Variants in COL5A2 observed in about 807,000 individuals in gnomAD.
COL5A2 encodes the protein collagen type V alpha 2 chain, also known as collagen alpha-2(V) chain.
A neutral mutation model predicts 208.2 loss-of-function variants in COL5A2; 23 were observed. The observed-to-expected ratio is 0.11, with a 90% CI of 0.08 to 0.16. The LOEUF (loss-of-function observed/expected upper bound fraction) is 0.16, where lower values mean the gene tolerates loss of function less well. Among genes scored for constraint, COL5A2 ranks in the 10% least tolerant of loss-of-function variants. The pLI is 1.00. For synonymous variants in COL5A2, 625 were observed against 628.5 expected, an observed-to-expected ratio of 0.99 and a Z score of 0.08; for missense variants, 1,590 against 1,956.4, an observed-to-expected ratio of 0.81 and a Z score of 3.53.
the COL5A2 span, among the ~76,000 whole-genome samples, chr2:189,299,685 T>G: frequency 3.9e-5 from 6 of 152,300 alleles, no homozygotes; most frequent in East Asian, 1.2e-3. Context: ...TGATGTTTAA[T>G]GAAGTTCACA....
At chr2:189,361,876 G>A in the COL5A2 span, among the ~76,000 whole-genome samples, 1 of 151,372 alleles carries the variant, frequency 6.6e-6, no homozygotes, top group Admixed American at 6.6e-5. Flanking sequence ...ACAAAGAAAA[G>A]TAACCAAAAA....
Position 189,098,712 on chromosome 2 carries a change from G to A in COL5A2, c.402+15C>T, listed in dbSNP as rs544912500. 4.4e-6 allele frequency: 7 copies of A among 1,602,856 alleles called. No homozygotes were observed. The highest frequency in any genetic ancestry group is 6.0e-6 in the Non-Finnish European group (7 of 1,170,036). ...GAATACAAGAGTACCAAGAATATTG[G>A]GAGAAACTACTTACTGCCGGTCCTG... On this transcript the variant is annotated intron_variant, in intron 5 of 53. Coordinates refer to ENST00000374866, the MANE Select transcript of COL5A2 (RefSeq NM_000393.5).
chr2:189,112,436 A>T (rs1687303057), intron 1 of COL5A2, among the ~76,000 whole-genome samples: 1 of 152,216 alleles, frequency 6.6e-6, no homozygotes, highest in Admixed American at 6.5e-5. Flanking sequence ...AATCTGCTTT[A>T]TATAATTATT....
intron 1 of COL5A2, among the ~76,000 whole-genome samples, chr2:189,217,047 G>T (rs1253886174): frequency 6.6e-6 from 1 of 151,996 alleles, no homozygotes; most frequent in Non-Finnish European, 1.5e-5. Flanking sequence ...CATTCTGTCT[G>T]CCTGATTTGA....
At chr2:189,428,818 A>G in the COL5A2 span, among the ~76,000 whole-genome samples, 2 of 152,216 alleles carry the variant, frequency 1.3e-5, no homozygotes, top group African/African-American at 4.8e-5. Context: ...TTTATAAATT[A>G]TCCAGTACCA....
chr2:189,152,444 A>T (rs1688163317), intron 1 of COL5A2, among the ~76,000 whole-genome samples: 1 of 152,220 alleles, frequency 6.6e-6, no homozygotes, highest in African/African-American at 2.4e-5. Context: ...GGCCATACAC[A>T]CAATGTATGT....
chr2:189,339,350 C>CA, the COL5A2 span, among the ~76,000 whole-genome samples: 1,204 of 114,242 alleles, frequency 0.011, 7 homozygotes, highest in African/African-American at 0.012. Flanking sequence ...GACTCTGTCT[C>CA]AAAAAAAAAA....
chr2:189,312,460 G>A, the COL5A2 span, among the ~76,000 whole-genome samples: 104 of 152,238 alleles, frequency 6.8e-4, no homozygotes, highest in African/African-American at 2.3e-3. Flanking sequence ...CTGACCGGCC[G>A]GGCGCCGTAG....
chr2:189,308,257 T>C, the COL5A2 span, among the ~76,000 whole-genome samples: 2 of 133,030 alleles, frequency 1.5e-5, no homozygotes, highest in Admixed American at 1.7e-4. Context: ...CAGGCCATGA[T>C]GGGAAGGAGG....
intron 1 of COL5A2, among the ~76,000 whole-genome samples, chr2:189,147,269 G>C (rs1286381234): frequency 6.6e-6 from 1 of 151,978 alleles, no homozygotes; most frequent in African/African-American, 2.4e-5. Context: ...CGAAAATTAT[G>C]AAAAAACGTA....
intron 1 of COL5A2, among the ~76,000 whole-genome samples, chr2:189,175,940 A>C (rs1286975013): frequency 6.6e-6 from 1 of 152,206 alleles, no homozygotes; most frequent in Non-Finnish European, 1.5e-5. Flanking sequence ...GTTTCATAGC[A>C]TGTATTTCAA....
At chr2:189,323,822 T>G in the COL5A2 span, among the ~76,000 whole-genome samples, 2 of 152,294 alleles carry the variant, frequency 1.3e-5, no homozygotes, top group African/African-American at 4.8e-5. Context: ...AAAAAACTAC[T>G]TTAAAGTTCA....
chr2:189,095,708 G>A (rs1686895575), intron 6 of COL5A2: 2 of 152,040 alleles, frequency 1.3e-5, no homozygotes, highest in African/African-American at 4.8e-5. Context: ...CCTAGACTTA[G>A]GACCCAATGT....
intron 49 of COL5A2, among the ~76,000 whole-genome samples, chr2:189,042,190 A>G (rs1685575284): frequency 6.6e-6 from 1 of 152,190 alleles, no homozygotes. Flanking sequence ...TTTCCTAAAT[A>G]ATTATGTCCA....
intron 47 of COL5A2, 74 bp downstream of exon 47, chr2:189,045,105 C>A: frequency 9.9e-7 from 1 of 1,009,218 alleles, no homozygotes. Context: ...AGTTATGAAT[C>A]TTAAATTATA....
intron 1 of COL5A2, among the ~76,000 whole-genome samples, chr2:189,210,836 G>A (rs1400286971): frequency 2.0e-5 from 3 of 152,186 alleles, no homozygotes; most frequent in South Asian, 4.1e-4. Flanking sequence ...AGAGGAGGCA[G>A]GAAAAGCAGA....
At chr2:189,322,950 G>T in the COL5A2 span, among the ~76,000 whole-genome samples, 2 of 152,066 alleles carry the variant, frequency 1.3e-5, no homozygotes, top group Non-Finnish European at 2.9e-5. Context: ...ACTGAATCCA[G>T]CAGCACAAAA....
chr2:189,287,551 T>G, the COL5A2 span, among the ~76,000 whole-genome samples: 1 of 152,138 alleles, frequency 6.6e-6, no homozygotes, highest in Admixed American at 6.6e-5. Context: ...TCACTTCCTT[T>G]AAGAGGCTAC....
chr2:189,325,930 C>G, the COL5A2 span, among the ~76,000 whole-genome samples: 2 of 151,926 alleles, frequency 1.3e-5, no homozygotes, highest in South Asian at 4.2e-4. Flanking sequence ...AACCCCATCT[C>G]TACTAAAAAT....
Sources: gnomAD v4.1 joint callset for allele counts (sites outside exome capture counted in the v4.1 genomes callset) on GRCh38, gnomAD v4.1.1 for gene constraint, MANE v1.5 for transcripts, NCBI Gene and HGNC (gene_info 2026-07-23, HGNC 2026-07-21) for gene names.